Variants in FAM120A observed in about 807,000 individuals in gnomAD.
The protein encoded by FAM120A is family with sequence similarity 120 member A.
In FAM120A, 15 loss-of-function variants were observed where a neutral mutation model predicts 109.7. The observed-to-expected ratio is 0.14, with a 90% CI of 0.09 to 0.21. The LOEUF (loss-of-function observed/expected upper bound fraction) is 0.21, where lower values mean the gene tolerates loss of function less well. Ranked by LOEUF, FAM120A falls within the 10% of genes least tolerant of loss-of-function variation. FAM120A has a pLI of 1.00. For synonymous variants in FAM120A, 493 were observed against 572.8 expected, an observed-to-expected ratio of 0.86 and a Z score of 1.99; for missense variants, 899 against 1,439.3, an observed-to-expected ratio of 0.62 and a Z score of 6.07.
chr9:93,471,090 G>T, intron 1 of FAM120A, 51 bp from the exon 2 acceptor site: 1 of 1,587,052 alleles, frequency 6.3e-7, no homozygotes, highest in Non-Finnish European at 8.6e-7. Flanking sequence ...TATTGAGCTT[G>T]TTGCTACAGT....
chr9:93,479,203 A>G (rs545208654), intron 3 of FAM120A, among the ~76,000 whole-genome samples: 80 of 139,048 alleles, frequency 5.8e-4, no homozygotes, highest in African/African-American at 2.1e-3. Context: ...GTTTCATGCC[A>G]TTCTCCTGCC....
chr9:93,502,747 GT>G (rs1209782470), intron 5 of FAM120A, among the ~76,000 whole-genome samples: 1 of 152,152 alleles, frequency 6.6e-6, no homozygotes, highest in Non-Finnish European at 1.5e-5. Flanking sequence ...GTTGTGATTT[GT>G]TCTTTCTGTC....
intron 12 of FAM120A, among the ~76,000 whole-genome samples, chr9:93,551,232 A>G (rs76607470): frequency 0.03 from 4,547 of 152,246 alleles, 112 homozygotes; most frequent in African/African-American, 0.051. Context: ...ATTTAACATC[A>G]TATTCCTTTT....
At chr9:93,504,936 C>T (rs1859965005) in intron 5 of FAM120A, among the ~76,000 whole-genome samples, 1 of 151,822 alleles carries the variant, frequency 6.6e-6, no homozygotes, top group African/African-American at 2.4e-5. Context: ...GAAACTATAT[C>T]CTGTAAAGGT....
chr9:93,454,395 G>A lies in FAM120A; in HGVS notation c.474+2006G>A, dbSNP rs558576876. Among the ~76,000 whole-genome samples, 8 of 152,240 alleles carry A rather than the reference G, an allele frequency of 5.3e-5. No individual in the cohort carries two copies. The South Asian group carries it at 1.7e-3, about 32-fold the overall frequency. ...CAGCAACCAAGCAAGATGTCAGGAA[G>A]TTTGGGTACAGTGATGTGGGGGGTT... On this transcript the variant is annotated intron_variant, in intron 1 of 17. Transcript: ENST00000277165.
intron 2 of FAM120A, among the ~76,000 whole-genome samples, chr9:93,472,279 A>G (rs1181943073): frequency 6.6e-6 from 1 of 151,872 alleles, no homozygotes; most frequent in Admixed American, 6.6e-5. Context: ...AAAAATTCCC[A>G]AGAAGTAATA....
At chr9:93,465,614 A>G (rs549093254) in intron 1 of FAM120A, among the ~76,000 whole-genome samples, 2 of 152,282 alleles carry the variant, frequency 1.3e-5, no homozygotes, top group Non-Finnish European at 2.9e-5. Flanking sequence ...ATAATTTTAT[A>G]GAAAATTTAC....
Position 93,498,705 on chromosome 9 carries a change from T to C in FAM120A, c.934-85T>C. On this transcript the variant is annotated intron_variant, in intron 4 of 17. Transcript: ENST00000277165. The surrounding 1 kb of genome is among the most constrained non-coding windows in gnomAD (Gnocchi z 4.4). ...TAACTTGAAAAGCTGTAGAATATTA[T>C]ACATGTGCTGAATTATAAAAAACAT... The C allele has an allele frequency of 1.2e-6, 1 of 819,024 alleles. No homozygotes were observed. Among genetic ancestry groups the C allele is most frequent in the South Asian group, 1.4e-5 (1 of 71,542 alleles). 50.7% of individuals were successfully genotyped at this position (819,024 alleles called of 1,614,324 possible).
At chr9:93,469,068 A>T (rs1255768117) in intron 1 of FAM120A, among the ~76,000 whole-genome samples, 1 of 152,084 alleles carries the variant, frequency 6.6e-6, no homozygotes, top group Non-Finnish European at 1.5e-5. Flanking sequence ...CTGCATGGAT[A>T]CTCTTCCTTG....
At chr9:93,494,345 C>T (rs567870697) in intron 3 of FAM120A, among the ~76,000 whole-genome samples, 16 of 152,338 alleles carry the variant, frequency 1.1e-4, no homozygotes, top group South Asian at 6.2e-4. Context: ...TTCGGAGGAA[C>T]TTGTAGCCCG....
chr9:93,563,689 G>T (rs1192920539), intron 17 of FAM120A, among the ~76,000 whole-genome samples: 2 of 152,168 alleles, frequency 1.3e-5, no homozygotes, highest in Non-Finnish European at 2.9e-5. Flanking sequence ...TTTTTTCAGA[G>T]GCTTATTTTT....
intron 10 of FAM120A, among the ~76,000 whole-genome samples, chr9:93,542,216 C>T (rs534456111): frequency 6.6e-6 from 1 of 152,248 alleles, no homozygotes; most frequent in Admixed American, 6.5e-5. Context: ...GGTGCCTTTG[C>T]TCATGTGTAG....
chr9:93,532,736 A>G lies in FAM120A; in HGVS notation c.1909+407A>G. ...GGCCAGGGTCCTGGAGAAAACTTCC[A>G]GCAGGTCTCTGGTTGGCCATGTTTG... is the stretch of plus-strand genomic sequence containing the variant. On this transcript the variant is annotated intron_variant, in intron 10 of 17. Coordinates refer to ENST00000277165, the MANE Select transcript of FAM120A (RefSeq NM_014612.5). The surrounding 1 kb of genome is among the most constrained non-coding windows in gnomAD (Gnocchi z 4.3). 1 of 202,736 alleles carries G rather than the reference A, an allele frequency of 4.9e-6. No individual in the cohort carries two copies. Among genetic ancestry groups the G allele is most frequent in the Non-Finnish European group, 1.0e-5 (1 of 97,362 alleles). 12.6% of individuals were successfully genotyped at this position (202,736 alleles called of 1,614,324 possible). A position where few individuals can be genotyped will look rare whatever the true frequency, so the allele number is the denominator to read the frequency against.
chr9:93,493,905 C>T (rs961603772), intron 3 of FAM120A, among the ~76,000 whole-genome samples: 1 of 152,240 alleles, frequency 6.6e-6, no homozygotes, highest in African/African-American at 2.4e-5. Context: ...GTGGGCCTGG[C>T]AGCCATCCAG....
rs1268792570 is a variant in FAM120A at position 93,564,496 on chromosome 9, A to G, written c.3313A>G (p.Arg1105Gly). Residue 1105 changes from arginine (R) to glycine (G), a missense_variant, in exon 18 of 18, where the codon AGA (arginine) becomes GGA (glycine). Coordinates refer to ENST00000277165, the MANE Select transcript of FAM120A (RefSeq NM_014612.5). The stretch of plus-strand genomic sequence containing the variant: ...ACTAAGTACAGACAGCGCTTGCCGC[A>G]GAGAAGCTGCTCTGGAGGCAGCTGT... ...NALSTDSACR[R>G]EAALEAAVLN... 1 of 1,613,524 alleles carries G rather than the reference A, an allele frequency of 6.2e-7. No homozygotes were observed. The highest frequency in any genetic ancestry group is 1.7e-5 in the Admixed American group (1 of 60,022).
Position 93,476,351 on chromosome 9 carries a change from CT to C in FAM120A, c.804+16del. On this transcript the variant is annotated intron_variant, in intron 3 of 17. Coordinates refer to ENST00000277165, the MANE Select transcript of FAM120A (RefSeq NM_014612.5). The stretch of plus-strand genomic sequence containing the variant: ...AGCCTCACTAAAGGTACAAATTTCA[CT>C]TTATTTTTCTAGCATTTGTAATAAT... The C allele has an allele frequency of 6.5e-7, 1 of 1,527,200 alleles. No individual in the cohort carries two copies. The highest frequency in any genetic ancestry group is 9.1e-7 in the Non-Finnish European group (1 of 1,102,950). 94.6% of individuals were successfully genotyped at this position (1,527,200 alleles called of 1,614,324 possible).
chr9:93,510,781 T>G (rs1238666428), intron 5 of FAM120A, among the ~76,000 whole-genome samples: 4 of 151,998 alleles, frequency 2.6e-5, no homozygotes, highest in Admixed American at 2.6e-4. Flanking sequence ...CTATTCTGCC[T>G]TCTTGAACTT....
At chr9:93,455,668 C>A (rs371200436) in intron 1 of FAM120A, among the ~76,000 whole-genome samples, 1 of 145,338 alleles carries the variant, frequency 6.9e-6, no homozygotes, top group East Asian at 2.0e-4. Flanking sequence ...TTAGAGAAAT[C>A]TTTTTTTTTT....
intron 5 of FAM120A, among the ~76,000 whole-genome samples, chr9:93,510,026 G>A (rs1200613227): frequency 1.3e-5 from 2 of 152,224 alleles, no homozygotes; most frequent in Non-Finnish European, 2.9e-5. Context: ...TAATGCAGAT[G>A]ACGTTGATGT....
Sources: gnomAD v4.1 joint callset for allele counts (sites outside exome capture counted in the v4.1 genomes callset) on GRCh38, gnomAD v4.1.1 for gene constraint, Gnocchi (gnomAD v3.1) non-coding constraint, MANE v1.5 for transcripts, NCBI Gene and HGNC (gene_info 2026-07-23, HGNC 2026-07-21) for gene names.